MAST2: variants seen among roughly 807,000 people sequenced by gnomAD.
The protein encoded by MAST2 is microtubule associated serine/threonine kinase 2.
A neutral mutation model predicts 147.4 loss-of-function variants in MAST2; 70 were observed. The observed-to-expected ratio is 0.47, with a 90% CI of 0.39 to 0.58. The LOEUF (loss-of-function observed/expected upper bound fraction) is 0.58. Ranked by LOEUF, MAST2 falls within the 20% of genes least tolerant of loss-of-function variation. The pLI, the probability that MAST2 is intolerant of heterozygous loss-of-function variation, is 0.00. For missense variants in MAST2, 2,080 were observed against 2,302.3 expected (o/e 0.90, Z 1.98); for synonymous variants, 869 against 896.8 (o/e 0.97, Z 0.55).
chr1:45,878,542 C>A (rs951551988), intron 3 of MAST2, among the ~76,000 whole-genome samples: 1 of 151,792 alleles, frequency 6.6e-6, no homozygotes, highest in South Asian at 2.1e-4. Flanking sequence ...ATAGAAAATT[C>A]TAGAAAATGG....
At chr1:46,006,433 G>T in intron 8 of MAST2, 38 bp downstream of exon 8, 1 of 1,587,996 alleles carries the variant, frequency 6.3e-7, no homozygotes, top group Non-Finnish European at 8.6e-7. Context: ...AGTGCATGTG[G>T]ATTTCAGCTT....
chr1:45,915,143 G>C (rs1557900199), intron 4 of MAST2, among the ~76,000 whole-genome samples: 1 of 152,052 alleles, frequency 6.6e-6, no homozygotes, highest in Non-Finnish European at 1.5e-5. Flanking sequence ...TGTTGCTCAG[G>C]CTGGTCTGGA....
chr1:46,021,059 A>G (rs761464640), intron 11 of MAST2, among the ~76,000 whole-genome samples: 4 of 152,192 alleles, frequency 2.6e-5, no homozygotes, highest in Non-Finnish European at 5.9e-5. Flanking sequence ...GTAGGATAAT[A>G]GAGAGAAAGA....
intron 5 of MAST2, 82 bp from the exon 6 acceptor site, chr1:45,997,642 G>T (rs771806101): frequency 3.2e-5 from 30 of 937,808 alleles, no homozygotes; most frequent in Non-Finnish European, 4.8e-5. Flanking sequence ...CCAGTGCTAG[G>T]GGAATATTTC....
At chr1:45,838,613 T>C in intron 3 of MAST2, among the ~76,000 whole-genome samples, 1 of 152,340 alleles carries the variant, frequency 6.6e-6, no homozygotes, top group East Asian at 1.9e-4. Flanking sequence ...TTATTGAGTT[T>C]CAGGAATCTT....
intron 3 of MAST2, among the ~76,000 whole-genome samples, chr1:45,844,356 C>A (rs1027088595): frequency 1.3e-5 from 2 of 152,070 alleles, no homozygotes; most frequent in African/African-American, 4.8e-5. Flanking sequence ...TGCAGTGACT[C>A]ACTGCAACCT....
At chr1:45,854,276 G>A (rs1645717974) in intron 3 of MAST2, among the ~76,000 whole-genome samples, 1 of 151,206 alleles carries the variant, frequency 6.6e-6, no homozygotes, top group Non-Finnish European at 1.5e-5. Flanking sequence ...GGCAGAGGTT[G>A]CAGTGAGCTG....
chr1:45,995,964 A>C (rs965876284), intron 5 of MAST2, among the ~76,000 whole-genome samples: 12 of 152,124 alleles, frequency 7.9e-5, no homozygotes, highest in African/African-American at 1.2e-4. Flanking sequence ...GGTTTTTATC[A>C]AATTTGCAAA....
At chr1:45,817,100 C>G (rs1039281570) in intron 1 of MAST2, among the ~76,000 whole-genome samples, 24 of 152,046 alleles carry the variant, frequency 1.6e-4, no homozygotes, top group Non-Finnish European at 3.2e-4. Flanking sequence ...AAATAGCCTC[C>G]AAAAGGCAAA....
intron 4 of MAST2, among the ~76,000 whole-genome samples, chr1:45,954,991 C>G (rs1469238722): frequency 1.3e-5 from 2 of 152,166 alleles, no homozygotes; most frequent in East Asian, 3.8e-4. Context: ...ATACATGTAT[C>G]TTCTTTATTT....
At chr1:45,873,806 G>GT (rs1228518977) in intron 3 of MAST2, among the ~76,000 whole-genome samples, 1 of 151,940 alleles carries the variant, frequency 6.6e-6, no homozygotes, top group Admixed American at 6.6e-5. Flanking sequence ...TAGAATAAAG[G>GT]TTTTTGTTTG....
intron 16 of MAST2, among the ~76,000 whole-genome samples, chr1:46,026,044 T>C (rs1416078343): frequency 1.3e-5 from 2 of 152,118 alleles, no homozygotes; most frequent in Non-Finnish European, 2.9e-5. Context: ...GGAAGAGTCA[T>C]TGAGGAGCCC....
Position 46,023,934 on chromosome 1 carries a change from C to G in MAST2, c.1734C>G (p.Ser578=), listed in dbSNP as rs780443335. The G allele has an allele frequency of 6.2e-7, 1 of 1,614,220 alleles. No homozygotes were observed. Among genetic ancestry groups the G allele is most frequent in the South Asian group, 1.1e-5 (1 of 91,084 alleles). The part of the protein sequence containing the change: ...ENPFVVSMFC[S]FDTKRHLCMV... Reference sequence around the variant, plus strand: ...CCTTTGTGGTCAGCATGTTCTGCTCCTTTGATACCAAGCGCCACTTGTGCA... The same window carrying G: ...CCTTTGTGGTCAGCATGTTCTGCTCGTTTGATACCAAGCGCCACTTGTGCA... Residue 578 remains serine (S), a synonymous_variant, in exon 15 of 29, where the codon TCC becomes TCG. Transcript: ENST00000361297. The surrounding 1 kb of genome is among the most constrained non-coding windows in gnomAD (Gnocchi z 4.9).
chr1:45,909,242 T>C (rs542875602), intron 4 of MAST2, among the ~76,000 whole-genome samples: 2 of 152,168 alleles, frequency 1.3e-5, no homozygotes, highest in Non-Finnish European at 2.9e-5. Context: ...CTTAAAAAAG[T>C]TAGGTATCTT....
chr1:45,988,311 G>A (rs1035351712), intron 5 of MAST2, among the ~76,000 whole-genome samples: 2 of 152,168 alleles, frequency 1.3e-5, no homozygotes, highest in Non-Finnish European at 2.9e-5. Context: ...AGCACACCCA[G>A]CCTCTAATTT....
chr1:45,847,564 C>A, intron 3 of MAST2: 2 of 799,534 alleles, frequency 2.5e-6, no homozygotes, highest in Admixed American at 4.6e-5. Flanking sequence ...GGATGAATGA[C>A]TTTTTTTCCC....
chr1:46,035,241 A>T lies in MAST2; in HGVS notation c.4572A>T (p.Ala1524=). ...AGGGTGCACAGGAGCTGAGCTTGGC[A>T]CCTCACCCAGAAGTGAGCCAGAGTG... is the stretch of plus-strand genomic sequence containing the variant. ...NSQGAQELSL[A]PHPEVSQSVA... Residue 1524 remains alanine, a synonymous_variant, in exon 29 of 29, where the codon GCA becomes GCT. Transcript: ENST00000361297. The surrounding 1 kb of genome is among the most constrained non-coding windows in gnomAD (Gnocchi z 5.5). The T allele has an allele frequency of 6.2e-7, 1 of 1,613,940 alleles. No homozygotes were observed. The highest frequency in any genetic ancestry group is 8.5e-7 in the Non-Finnish European group (1 of 1,180,002).
intron 1 of MAST2, among the ~76,000 whole-genome samples, chr1:45,823,761 A>G (rs1007485555): frequency 1.3e-5 from 2 of 151,992 alleles, no homozygotes; most frequent in Admixed American, 6.6e-5. Context: ...ATTTTTTTCG[A>G]AAGTTTCTTA....
chr1:45,951,228 AAAAC>A (rs1361850996), intron 4 of MAST2, among the ~76,000 whole-genome samples: 1 of 152,186 alleles, frequency 6.6e-6, no homozygotes, highest in Non-Finnish European at 1.5e-5. Flanking sequence ...CTCAAAAAGA[AAAAC>A]AAAGTAACAT....
Sources: allele counts gnomAD v4.1 joint callset (sites outside exome capture counted in the v4.1 genomes callset), GRCh38; gene constraint gnomAD v4.1.1; non-coding constraint Gnocchi (gnomAD v3.1); transcripts MANE v1.5; gene names NCBI Gene and HGNC (gene_info 2026-07-23, HGNC 2026-07-21).